Variants in ADAM19 observed in about 807,000 individuals in gnomAD.
The protein encoded by ADAM19 is disintegrin and metalloproteinase domain-containing protein 19.
Under a neutral mutation model 114.7 loss-of-function variants are expected in ADAM19, and 65 were observed. The observed-to-expected ratio is 0.57, with a 90% CI of 0.46 to 0.70. The LOEUF is 0.70. Ranked by LOEUF, ADAM19 falls within the 30% of genes least tolerant of loss-of-function variation. The probability of loss-of-function intolerance (pLI) is 0.00; values close to 1 mark genes in which losing one functional copy is unlikely to be tolerated. For missense variants in ADAM19, 1,063 were observed against 1,204.7 expected, an observed-to-expected ratio of 0.88 and a Z score of 1.74; for synonymous variants, 466 against 460.5, an observed-to-expected ratio of 1.01 and a Z score of -0.15.
intron 4 of ADAM19, among the ~76,000 whole-genome samples, chr5:157,534,634 G>A (rs1270294542): frequency 6.6e-6 from 1 of 152,180 alleles, no homozygotes; most frequent in Non-Finnish European, 1.5e-5. Flanking sequence ...CTCCAGCCTG[G>A]GGGACAGAGC....
intron 14 of ADAM19, among the ~76,000 whole-genome samples, chr5:157,496,014 A>C (rs921707584): frequency 1.1e-4 from 15 of 133,836 alleles, no homozygotes; most frequent in Non-Finnish European, 1.2e-4. Context: ...GGAGTGGCTC[A>C]CTGCAGCCTC....
rs563010730 is a variant in ADAM19 at position 157,489,299 on chromosome 5, T to C, written c.2241-113A>G. ...AGCAAGCAGCTAAATCTTTCCCAAG[T>C]CTGCTCTGGAGGGAGTGGGATTGGT... On this transcript the variant is annotated intron_variant, in intron 19 of 22. Coordinates refer to ENST00000257527, the MANE Select transcript of ADAM19 (RefSeq NM_033274.5). The C allele has an allele frequency of 3.9e-6, 3 of 766,602 alleles. No homozygotes were observed. In the South Asian group the frequency reaches 4.5e-5, roughly 11 times the overall value. The allele number at this position is 766,602 out of a possible 1,614,324, so 47.5% of individuals were successfully genotyped here.
rs1455182429 is a variant in ADAM19, at chr5:157,575,445, GA to G, written c.94+157del. On this transcript the variant is annotated intron_variant, in intron 1 of 22. Coordinates refer to ENST00000257527, the MANE Select transcript of ADAM19 (RefSeq NM_033274.5). ...CCACCTCCCAGGGCGCAGAACGTGG[GA>G]ACAAAGCCCGGGCTCCCAGGCTGGG... is the stretch of plus-strand genomic sequence containing the variant. Among the ~76,000 whole-genome samples, 11 of 152,368 alleles carry G rather than the reference GA, an allele frequency of 7.2e-5. No homozygotes were observed. In the East Asian group the frequency reaches 2.1e-3, roughly 29 times the overall value.
In ADAM19 at chr5:157,554,147, T is replaced by C. The variant is rs9885308; in HGVS notation, c.251+10226A>G. Reference sequence around the variant, plus strand: ...TCATGGTAAATGCTCACTCCCTCAATGCCAGCTATTGTTGTTATCTGAAGG... The same window carrying C: ...TCATGGTAAATGCTCACTCCCTCAACGCCAGCTATTGTTGTTATCTGAAGG... On this transcript the variant is annotated intron_variant, in intron 3 of 22. Transcript: ENST00000257527. 4.2e-3 allele frequency among the ~76,000 whole-genome samples: 633 copies of C among 152,322 alleles called. 7 individuals are homozygous for C. Among genetic ancestry groups the C allele is most frequent in the African/African-American group, 0.014 (576 of 41,570 alleles).
intron 11 of ADAM19, 25 bp from the exon 12 acceptor site, chr5:157,503,005 A>G (rs1407470991): frequency 1.2e-6 from 2 of 1,603,972 alleles, no homozygotes; most frequent in Non-Finnish European, 1.7e-6. Flanking sequence ...GGCTGGAATT[A>G]GTGGGGAGTT....
At chr5:157,575,167 C>T (rs1389376865) in intron 1 of ADAM19, among the ~76,000 whole-genome samples, 2 of 152,188 alleles carry the variant, frequency 1.3e-5, no homozygotes, top group African/African-American at 2.4e-5. Context: ...CCCAGGAAGC[C>T]GCTCCCAGGC....
Position 157,491,890 on chromosome 5 carries a change from C to T in ADAM19, c.1931G>A (p.Arg644Lys). 1.2e-6 allele frequency: 2 copies of T among 1,614,222 alleles called. No individual in the cohort carries two copies. Among genetic ancestry groups the T allele is most frequent in the Non-Finnish European group, 1.7e-6 (2 of 1,180,038 alleles). ...YNHICFEGQCRNTSFFETEGC... is the reference protein window; with the variant it reads ...YNHICFEGQCKNTSFFETEGC... ...TTCAGTTTCAAAGAAGGAGGTGTTC[C>T]TGCACTGCCCCTCAAAGCAAATCTG... The change falls in exon 17 of 23, where the codon AGG becomes AAG. Residue 644 changes from arginine (R) to lysine (K), a missense_variant. Physicochemically the swap from Arg to Lys is conservative, Grantham distance 26. Around this residue, in one of 3 missense-constraint regions of ADAM19, gnomAD observed 424 missense variants for 445.5 expected, o/e 0.95. Transcript: ENST00000257527.
At chr5:157,487,230 C>G (rs1754970170) in intron 21 of ADAM19, among the ~76,000 whole-genome samples, 1 of 152,260 alleles carries the variant, frequency 6.6e-6, no homozygotes, top group South Asian at 2.1e-4. Flanking sequence ...TTCTCTCTCC[C>G]TGTCAATCTT....
intron 14 of ADAM19, among the ~76,000 whole-genome samples, chr5:157,496,172 C>A (rs1021140412): frequency 1.3e-5 from 2 of 151,922 alleles, no homozygotes; most frequent in Non-Finnish European, 2.9e-5. Context: ...ATTTGCTGTT[C>A]TACACCTTGC....
At chr5:157,574,727 T>G (rs6890282) in intron 1 of ADAM19, among the ~76,000 whole-genome samples, 53,213 of 151,962 alleles carry the variant, frequency 0.35, 11,177 homozygotes, top group African/African-American at 0.58. Context: ...AATCTGCTTA[T>G]AGCCCCCGAG....
Position 157,554,731 on chromosome 5 carries a change from T to G in ADAM19, c.251+9642A>C, listed in dbSNP as rs189674886. Among the ~76,000 whole-genome samples, 239 of 152,348 alleles carry G rather than the reference T, an allele frequency of 1.6e-3. 2 individuals are homozygous for G. The highest frequency in any genetic ancestry group is 6.5e-4 in the Non-Finnish European group (44 of 68,032). On this transcript the variant is annotated intron_variant, in intron 3 of 22. Transcript: ENST00000257527. Reference sequence around the variant, plus strand: ...ATAACAGTGTCTATTTATTGTGCTCTCATAGTGCACCAGGCACCCTGTAAA... The same window carrying G: ...ATAACAGTGTCTATTTATTGTGCTCGCATAGTGCACCAGGCACCCTGTAAA...
chr5:157,542,404 T>C (rs868480255), intron 3 of ADAM19, among the ~76,000 whole-genome samples: 2 of 152,204 alleles, frequency 1.3e-5, no homozygotes, highest in African/African-American at 4.8e-5. Context: ...TAACCCAGCA[T>C]AGAGGGAAAG....
intron 19 of ADAM19, among the ~76,000 whole-genome samples, chr5:157,489,710 G>A (rs1410663494): frequency 6.6e-6 from 1 of 152,254 alleles, no homozygotes; most frequent in Non-Finnish European, 1.5e-5. Context: ...AGGGGGCTGG[G>A]CATGGTGGCT....
At chr5:157,513,819 C>T (rs1756008048) in intron 7 of ADAM19, among the ~76,000 whole-genome samples, 1 of 152,248 alleles carries the variant, frequency 6.6e-6, no homozygotes, top group South Asian at 2.1e-4. Flanking sequence ...TACATGGCCT[C>T]TGGCAAACTC....
chr5:157,518,799 C>T, intron 7 of ADAM19, 24 bp downstream of exon 7: 1 of 1,598,252 alleles, frequency 6.3e-7, no homozygotes, highest in South Asian at 1.1e-5. Context: ...AGTTTTTCTG[C>T]AAGACCCATT....
In ADAM19 at chr5:157,478,530, C is replaced by T. The variant is rs756273850; in HGVS notation, c.*2419G>A. On this transcript the variant is annotated 3_prime_UTR_variant, in exon 23 of 23. Transcript: ENST00000257527. The stretch of plus-strand genomic sequence containing the variant: ...AATCGTGCTTTGGAATAAGGTCTCT[C>T]CTTCCCTAAGCCCAGATTTATTTGT... 2.4e-4 allele frequency: 232 copies of T among 974,312 alleles called. No homozygotes were observed. The highest frequency in any genetic ancestry group is 1.6e-3 in the Middle Eastern group (3 of 1,898). The allele number at this position is 974,312 out of a possible 1,614,324, so 60.4% of individuals were successfully genotyped here.
intron 3 of ADAM19, among the ~76,000 whole-genome samples, chr5:157,539,153 C>CAA (rs11336664): frequency 6.0e-4 from 55 of 91,898 alleles, no homozygotes; most frequent in African/African-American, 1.5e-3. Context: ...GACTCTGTCT[C>CAA]AAAAAAAAAA....
intron 7 of ADAM19, 52 bp from the exon 8 acceptor site, chr5:157,513,557 C>A: frequency 2.0e-6 from 3 of 1,499,722 alleles, no homozygotes; most frequent in Non-Finnish European, 2.8e-6. Context: ...TCACAGGATG[C>A]TTCCTGCGCC....
Position 157,489,112 on chromosome 5 carries a change from C to T in ADAM19, c.2315G>A (p.Gly772Asp), listed in dbSNP as rs866194598. 6.2e-7 allele frequency: 1 copy of T among 1,613,992 alleles called. No homozygotes were observed. Among genetic ancestry groups the T allele is most frequent in the African/African-American group, 1.3e-5 (1 of 75,016 alleles). ...GTGCAAAGCTCTTACCTTTCGCTTG[C>T]CCTGGGGCGTCTGCAGCTTGAAAGT... Reference protein sequence around the residue: ...NPTFKLQTPQGKRKVINTPEI... With the variant: ...NPTFKLQTPQDKRKVINTPEI... Residue 772 changes from glycine to aspartate, a missense_variant, in exon 20 of 23, where the codon GGC becomes GAC. Gly to Asp is a moderately conservative substitution (Grantham distance 94). This residue lies in a region of ADAM19 where 424 missense variants were observed against 445.5 expected (regional missense o/e 0.95). Transcript: ENST00000257527.
Sources: allele counts gnomAD v4.1 joint callset (sites outside exome capture counted in the v4.1 genomes callset), GRCh38; gene constraint gnomAD v4.1.1; regional missense constraint gnomAD v4.1.1; transcripts MANE v1.5; gene names NCBI Gene and HGNC (gene_info 2026-07-23, HGNC 2026-07-21).